Variants in GLRX3 observed in about 807,000 individuals in gnomAD.
GLRX3 encodes glutaredoxin 3.
In GLRX3, 22 loss-of-function variants were observed where a neutral mutation model predicts 49.5. The ratio of observed to expected loss-of-function variants is 0.44; its 90% CI spans 0.32 to 0.63. The LOEUF is 0.63. GLRX3 is among the 30% of genes least tolerant of loss of function. GLRX3 has a pLI of 0.05. For missense variants in GLRX3, 385 were observed against 396.3 expected (o/e 0.97, Z 0.24); for synonymous variants, 133 against 140.0 (o/e 0.95, Z 0.35).
chr10:130,175,104 T>TTAGAACAGCAGAAGAA lies in GLRX3; in HGVS notation c.957+15_957+16insTAGAACAGCAGAAGAA. 1 of 1,332,812 alleles carries TTAGAACAGCAGAAGAA rather than the reference T, an allele frequency of 7.5e-7. No homozygotes were observed. The highest frequency in any genetic ancestry group is 1.1e-6 in the Non-Finnish European group (1 of 924,206). 82.6% of individuals were successfully genotyped at this position (1,332,812 alleles called of 1,614,324 possible). A position where few individuals can be genotyped will look rare whatever the true frequency, so the allele number is the denominator to read the frequency against. On this transcript the variant is annotated intron_variant, in intron 10 of 10. Transcript: ENST00000331244. The stretch of plus-strand genomic sequence containing the variant: ...ATATTGTGAAGGTAAGGCCAGTTCT[T>TTAGAACAGCAGAAGAA]CTGCTGTTCTAAAGAACGGAAAAGA...
rs187820091 is a variant in GLRX3, at chr10:130,179,477, C to G, written c.*85C>G. The G allele has an allele frequency of 3.8e-5, 28 of 727,876 alleles. No homozygotes were observed. The East Asian group carries it at 5.4e-4, about 14-fold the overall frequency. The allele number at this position is 727,876 out of a possible 1,614,324, so 45.1% of individuals were successfully genotyped here. On this transcript the variant is annotated 3_prime_UTR_variant, in exon 11 of 11. Coordinates refer to ENST00000331244, the MANE Select transcript of GLRX3 (RefSeq NM_006541.5). ...TCATGATTTAGTCCTCAGAAATGGA[C>G]TAGGAATAGAAAATTCCTGCTTTCT... is the stretch of plus-strand genomic sequence containing the variant.
At position 130,166,623 on chromosome 10, in the gene GLRX3, A is replaced by G. The variant is rs1213452721; in HGVS notation, c.595A>G (p.Thr199Ala). The G allele has an allele frequency of 1.7e-5, 27 of 1,611,382 alleles. No individual in the cohort carries two copies. Among genetic ancestry groups the G allele is most frequent in the Non-Finnish European group, 2.3e-5 (27 of 1,177,634 alleles). Reference protein sequence around the residue: ...QGLKAYSSWPTYPQLYVSGEL... With the variant: ...QGLKAYSSWPAYPQLYVSGEL... ...ACTCAAAGCCTATTCCAGTTGGCCT[A>G]CCTATCCTCAGCTCTATGTTTCTGG... The change falls in exon 5 of 11, where the codon ACC becomes GCC. Residue 199 changes from threonine to alanine, a missense_variant. Transcript: ENST00000331244.
chr10:130,158,817 A>G (rs1026031479), intron 2 of GLRX3, among the ~76,000 whole-genome samples: 1 of 152,172 alleles, frequency 6.6e-6, no homozygotes, highest in Non-Finnish European at 1.5e-5. Context: ...GATTTTATAG[A>G]ATTTTCATAT....
chr10:130,156,294 C>G (rs1862469355), intron 2 of GLRX3, among the ~76,000 whole-genome samples: 1 of 152,282 alleles, frequency 6.6e-6, no homozygotes, highest in South Asian at 2.1e-4. Flanking sequence ...GACTAGCCAG[C>G]CTCAAACCCT....
intron 10 of GLRX3, among the ~76,000 whole-genome samples, chr10:130,175,505 C>T (rs1395835668): frequency 2.0e-5 from 3 of 152,210 alleles, no homozygotes; most frequent in Non-Finnish European, 4.4e-5. Context: ...GATCACTGCC[C>T]CTGGTCCCCC....
intron 2 of GLRX3, among the ~76,000 whole-genome samples, chr10:130,153,089 C>T (rs368374946): frequency 4.6e-5 from 7 of 152,066 alleles, no homozygotes; most frequent in African/African-American, 1.7e-4. Context: ...TCCGCTTGAT[C>T]GAATCGGCTA....
At chr10:130,145,708 T>C (rs1862259317) in intron 2 of GLRX3, among the ~76,000 whole-genome samples, 1 of 152,062 alleles carries the variant, frequency 6.6e-6, no homozygotes, top group Non-Finnish European at 1.5e-5. Flanking sequence ...TATTAACTAA[T>C]ATAAAGATGG....
intron 2 of GLRX3, among the ~76,000 whole-genome samples, chr10:130,153,326 A>C (rs1179711519): frequency 6.6e-6 from 1 of 152,120 alleles, no homozygotes; most frequent in Non-Finnish European, 1.5e-5. Context: ...TTCTCTGTCC[A>C]GTTTTATTCC....
At chr10:130,177,021 A>G (rs1204054566) in intron 10 of GLRX3, among the ~76,000 whole-genome samples, 1 of 152,168 alleles carries the variant, frequency 6.6e-6, no homozygotes, top group Non-Finnish European at 1.5e-5. Flanking sequence ...TTCACCTGCT[A>G]AGAACATATA....
At chr10:130,143,122 C>A (rs1462524874) in intron 1 of GLRX3, among the ~76,000 whole-genome samples, 1 of 152,226 alleles carries the variant, frequency 6.6e-6, no homozygotes. Context: ...CCATCAGTCT[C>A]TAAGCCAGAA....
chr10:130,145,780 C>T (rs1351783491), intron 2 of GLRX3, among the ~76,000 whole-genome samples: 3 of 151,956 alleles, frequency 2.0e-5, no homozygotes, highest in Non-Finnish European at 4.4e-5. Flanking sequence ...GCACATCATT[C>T]TTAAAAATCT....
chr10:130,166,368 C>T, intron 4 of GLRX3, 139 bp from the exon 5 acceptor site: 1 of 591,988 alleles, frequency 1.7e-6, no homozygotes, highest in Non-Finnish European at 3.0e-6. Flanking sequence ...TATTATTCAG[C>T]CATGCTAATT....
At chr10:130,145,693 GATTTT>G (rs1182479364) in intron 2 of GLRX3, among the ~76,000 whole-genome samples, 1 of 151,960 alleles carries the variant, frequency 6.6e-6, no homozygotes, top group Non-Finnish European at 1.5e-5. Flanking sequence ...TAAAAAATTA[GATTTT>G]ATTAACTAAT....
intron 4 of GLRX3, among the ~76,000 whole-genome samples, chr10:130,165,321 C>CT (rs532815583): frequency 4.6e-5 from 7 of 151,364 alleles, no homozygotes; most frequent in East Asian, 1.9e-4. Context: ...AAGAAAAATA[C>CT]TTTTTTTTTC....
chr10:130,176,061 T>C (rs988215057), intron 10 of GLRX3, among the ~76,000 whole-genome samples: 1 of 152,142 alleles, frequency 6.6e-6, no homozygotes, highest in African/African-American at 2.4e-5. Context: ...ACTTTTTATG[T>C]GGAAAACAAA....
intron 3 of GLRX3, among the ~76,000 whole-genome samples, chr10:130,160,414 C>T (rs1006902221): frequency 6.6e-6 from 1 of 152,176 alleles, no homozygotes; most frequent in Non-Finnish European, 1.5e-5. Context: ...GAATCTCTGG[C>T]TGGTTCTGGT....
At position 130,156,770 on chromosome 10, in the gene GLRX3, G is replaced by C. The variant is rs566425057; in HGVS notation, c.202-3225G>C. On this transcript the variant is annotated intron_variant, in intron 2 of 10. Transcript: ENST00000331244. The stretch of plus-strand genomic sequence containing the variant: ...CTTGCGCTTTCTTTCCTTCTCCATA[G>C]ACACATAGCAGGTGGGACTGGTCCC... Among the ~76,000 whole-genome samples, 65 of 152,294 alleles carry C rather than the reference G, an allele frequency of 4.3e-4. 1 individual carries two copies. The highest frequency in any genetic ancestry group is 1.5e-3 in the African/African-American group (63 of 41,562).
intron 1 of GLRX3, among the ~76,000 whole-genome samples, chr10:130,139,912 G>C (rs1240609898): frequency 6.6e-6 from 1 of 152,222 alleles, no homozygotes; most frequent in Non-Finnish European, 1.5e-5. Context: ...CTGGGTGACA[G>C]AGTGAGACCC....
At chr10:130,150,812 T>C (rs774640962) in intron 2 of GLRX3, among the ~76,000 whole-genome samples, 1 of 152,194 alleles carries the variant, frequency 6.6e-6, no homozygotes, top group Non-Finnish European at 1.5e-5. Context: ...GGAATTAAAA[T>C]TTTTCAGTGG....
Sources: gnomAD v4.1 joint callset for allele counts (sites outside exome capture counted in the v4.1 genomes callset) on GRCh38, gnomAD v4.1.1 for gene constraint, MANE v1.5 for transcripts, NCBI Gene and HGNC (gene_info 2026-07-23, HGNC 2026-07-21) for gene names.